OLFM1: variants seen among roughly 807,000 people sequenced by gnomAD.
OLFM1 encodes the protein noelin.
Under a neutral mutation model 49.7 loss-of-function variants are expected in OLFM1, and 9 were observed. The ratio of observed to expected loss-of-function variants is 0.18; its 90% CI spans 0.11 to 0.32. The LOEUF is 0.32. OLFM1 is among the 10% of genes least tolerant of loss of function. OLFM1 has a pLI of 1.00. For synonymous variants in OLFM1, 240 were observed against 271.8 expected (o/e 0.88, Z 1.15); for missense variants, 369 against 661.8 (o/e 0.56, Z 4.85).
chr9:135,116,008 C>T (rs1052621341), intron 5 of OLFM1, among the ~76,000 whole-genome samples: 17 of 152,276 alleles, frequency 1.1e-4, no homozygotes, highest in African/African-American at 3.8e-4. Flanking sequence ...TGCCCGGAGG[C>T]GCAAGTGCTC....
intron 2 of OLFM1, among the ~76,000 whole-genome samples, chr9:135,091,919 A>G (rs1262775893): frequency 4.0e-5 from 6 of 150,660 alleles, no homozygotes; most frequent in Non-Finnish European, 5.9e-5. Context: ...ACACATAGTC[A>G]CACACGTTCA....
At chr9:135,091,769 TCACA>T (rs749011628) in intron 2 of OLFM1, among the ~76,000 whole-genome samples, 3 of 33,212 alleles carry the variant, frequency 9.0e-5, no homozygotes, top group South Asian at 9.3e-4. Context: ...ACTCACACAG[TCACA>T]CACACACTCA....
chr9:135,103,818 G>T (rs1467822202), intron 4 of OLFM1, among the ~76,000 whole-genome samples: 1 of 152,142 alleles, frequency 6.6e-6, no homozygotes, highest in Admixed American at 6.5e-5. Context: ...GCTCTCTGGT[G>T]GTCCCTGCCC....
At chr9:135,116,986 G>A (rs1831105156) in intron 5 of OLFM1, among the ~76,000 whole-genome samples, 1 of 151,812 alleles carries the variant, frequency 6.6e-6, no homozygotes, top group Non-Finnish European at 1.5e-5. Context: ...TAGCGCGTGT[G>A]TAATGCCAAG....
intron 4 of OLFM1, among the ~76,000 whole-genome samples, chr9:135,102,335 T>C (rs969156816): frequency 2.6e-5 from 4 of 152,242 alleles, no homozygotes; most frequent in South Asian, 4.2e-4. Context: ...AGCTAGACAG[T>C]GAGCCACTGT....
rs1225193465 is a variant in OLFM1, at chr9:135,088,731, C to G, written c.150+592C>G. ...TCCCCAGTCCATAGGAGGGTTTGTTCCTTCTCCTCCGAGGACGGTGCCGAG... is the reference window on the plus strand; with the variant it reads ...TCCCCAGTCCATAGGAGGGTTTGTTGCTTCTCCTCCGAGGACGGTGCCGAG... On this transcript the variant is annotated intron_variant, in intron 1 of 5. Transcript: ENST00000371793. This position sits in a 1 kb window ranked among gnomAD's most constrained non-coding sequence, Gnocchi z 4.8. 2.0e-5 allele frequency among the ~76,000 whole-genome samples: 3 copies of G among 152,164 alleles called. No homozygotes were observed. The highest frequency in any genetic ancestry group is 2.9e-5 in the Non-Finnish European group (2 of 68,032).
chr9:135,090,438 G>T (rs1830669518), intron 2 of OLFM1, 94 bp downstream of exon 2: 3 of 1,306,190 alleles, frequency 2.3e-6, no homozygotes, highest in Non-Finnish European at 2.1e-6. Flanking sequence ...CAGCACCAAG[G>T]CTTGGCTAGC....
chr9:135,113,392 A>G lies in OLFM1; in HGVS notation c.784-6112A>G, dbSNP rs1035747228. 1.3e-5 allele frequency among the ~76,000 whole-genome samples: 2 copies of G among 151,952 alleles called. No individual in the cohort carries two copies. The highest frequency in any genetic ancestry group is 2.9e-5 in the Non-Finnish European group (2 of 67,974). On this transcript the variant is annotated intron_variant, in intron 5 of 5. Transcript: ENST00000371793. The surrounding 1 kb of genome is among the most constrained non-coding windows in gnomAD (Gnocchi z 4.0). ...AGGCTCTGAGGGCCGTGTCTAGCCT[A>G]CCCAGAACCACCAAGCCCACTCGAG...
chr9:135,083,283 A>C (rs475440), upstream of OLFM1, among the ~76,000 whole-genome samples: 63,827 of 152,052 alleles, frequency 0.42, 14,249 homozygotes, highest in Middle Eastern at 0.51. Flanking sequence ...TCGGCAACTA[A>C]GGGAATACAG....
In OLFM1 at chr9:135,080,394, G is replaced by C. The variant is rs1830517248; in HGVS notation, c.96+4592G>C. On this transcript the variant is annotated intron_variant, in intron 1 of 5. Transcript: ENST00000252854. The surrounding 1 kb of genome is among the most constrained non-coding windows in gnomAD (Gnocchi z 4.5). ...GTCTTTTCCTAAACCCATTATTTCA[G>C]AATACGTGGAATTCATTCAGTCTTT... is the stretch of plus-strand genomic sequence containing the variant. 6.6e-6 allele frequency among the ~76,000 whole-genome samples: 1 copy of C among 152,072 alleles called. No homozygotes were observed. The highest frequency in any genetic ancestry group is 2.4e-5 in the African/African-American group (1 of 41,404).
chr9:135,088,623 C>T lies in OLFM1; in HGVS notation c.150+484C>T, dbSNP rs1469123367. 2.0e-5 allele frequency among the ~76,000 whole-genome samples: 3 copies of T among 152,064 alleles called. No individual in the cohort carries two copies. Among genetic ancestry groups the T allele is most frequent in the East Asian group, 3.9e-4 (2 of 5,142 alleles). ...TTTGTAAAAGCCAGACTGGCCGGAC[C>T]GGGCTGGGAGTGGGGCCCCAGCCGG... On this transcript the variant is annotated intron_variant, in intron 1 of 5. Transcript: ENST00000371793. The surrounding 1 kb of genome is among the most constrained non-coding windows in gnomAD (Gnocchi z 4.8).
chr9:135,100,209 G>A (rs146701148), intron 4 of OLFM1, among the ~76,000 whole-genome samples: 148 of 152,324 alleles, frequency 9.7e-4, no homozygotes, highest in Admixed American at 2.7e-3. Flanking sequence ...GGAATCAAGG[G>A]AGCAAAGTGA....
At chr9:135,114,884 G>A (rs377702330) in intron 5 of OLFM1, among the ~76,000 whole-genome samples, 2 of 152,080 alleles carry the variant, frequency 1.3e-5, no homozygotes, top group African/African-American at 2.4e-5. Flanking sequence ...CCCCAGACAC[G>A]GATTATTCCC....
At chr9:135,091,542 C>T (rs1564270434) in intron 2 of OLFM1, among the ~76,000 whole-genome samples, 4 of 135,060 alleles carry the variant, frequency 3.0e-5, no homozygotes, top group Non-Finnish European at 6.4e-5. Context: ...GTCACACTCA[C>T]ATAGTCACAC....
chr9:135,087,422 G>T (rs1264052166), upstream of OLFM1: 23 of 1,545,474 alleles, frequency 1.5e-5, no homozygotes, highest in Non-Finnish European at 2.0e-5. Context: ...CCCCCAGCTG[G>T]AGTCCCCGCG....
chr9:135,105,478 T>C (rs1830929164), intron 4 of OLFM1, among the ~76,000 whole-genome samples: 1 of 152,094 alleles, frequency 6.6e-6, no homozygotes, highest in Non-Finnish European at 1.5e-5. Context: ...GTGATGCCAG[T>C]AACAGGCCAC....
chr9:135,099,326 CTT>C (rs995707392), intron 4 of OLFM1, among the ~76,000 whole-genome samples: 2 of 152,106 alleles, frequency 1.3e-5, no homozygotes, highest in East Asian at 1.9e-4. Context: ...TTTAGGGTAA[CTT>C]AGGGTAATTT....
chr9:135,085,543 C>T (rs1463185422), upstream of OLFM1, among the ~76,000 whole-genome samples: 1 of 152,250 alleles, frequency 6.6e-6, no homozygotes, highest in African/African-American at 2.4e-5. Context: ...CCAGGCATGG[C>T]AAAGCCCCAG....
chr9:135,118,831 CCGGG>C (rs1564282493), intron 5 of OLFM1, among the ~76,000 whole-genome samples: 1 of 109,502 alleles, frequency 9.1e-6, no homozygotes, highest in African/African-American at 4.1e-5. Context: ...GGAGTGCTCG[CCGGG>C]TCTTTGGAGT....
Sources: gnomAD v4.1 joint callset for allele counts (sites outside exome capture counted in the v4.1 genomes callset) on GRCh38, gnomAD v4.1.1 for gene constraint, Gnocchi (gnomAD v3.1) non-coding constraint, MANE v1.5 for transcripts, NCBI Gene and HGNC (gene_info 2026-07-23, HGNC 2026-07-21) for gene names.